RNMT: variants seen among roughly 807,000 people sequenced by gnomAD.
The protein encoded by RNMT is mRNA cap guanine-N(7) methyltransferase.
A neutral mutation model predicts 56.0 loss-of-function variants in RNMT; 27 were observed. The observed-to-expected ratio is 0.48, with a 90% CI of 0.36 to 0.67. The LOEUF (loss-of-function observed/expected upper bound fraction) is 0.67, where lower values mean the gene tolerates loss of function less well. Ranked by LOEUF, RNMT falls within the 30% of genes least tolerant of loss-of-function variation. The pLI is 0.00. For missense variants in RNMT, 519 were observed against 552.1 expected, an observed-to-expected ratio of 0.94 and a Z score of 0.60; for synonymous variants, 184 against 176.2, an observed-to-expected ratio of 1.04 and a Z score of -0.35.
Position 13,742,507 on chromosome 18 carries a change from G to A in RNMT, c.994G>A (p.Glu332Lys). The A allele has an allele frequency of 6.2e-7, 1 of 1,612,162 alleles. No homozygotes were observed. Among genetic ancestry groups the A allele is most frequent in the Non-Finnish European group, 8.5e-7 (1 of 1,179,502 alleles). Residue 332 changes from glutamate (E) to lysine (K), a missense_variant, in exon 8 of 12, where the codon GAA becomes AAA. Coordinates refer to ENST00000383314, the MANE Select transcript of RNMT (RefSeq NM_003799.3). Reference sequence around the variant, plus strand: ...TGATAGAAGACGCCTTGAAGCTTCAGAAACAGAATCATTTGGAAATGAAAT... The same window carrying A: ...TGATAGAAGACGCCTTGAAGCTTCAAAAACAGAATCATTTGGAAATGAAAT... ...FELIRRLEAS[E>K]TESFGNEIYT...
chr18:13,728,319 T>C (rs2044001766), intron 1 of RNMT, among the ~76,000 whole-genome samples: 1 of 48,538 alleles, frequency 2.1e-5, no homozygotes, highest in Non-Finnish European at 3.5e-5. Flanking sequence ...TTTTTTTTTT[T>C]TTTTTTTTTT....
rs920718923 is a variant in RNMT, at chr18:13,731,905, G to A, written c.388G>A (p.Ala130Thr). 6.2e-7 allele frequency: 1 copy of A among 1,600,256 alleles called. No individual in the cohort carries two copies. The highest frequency in any genetic ancestry group is 8.5e-7 in the Non-Finnish European group (1 of 1,176,794). Residue 130 changes from alanine (A) to threonine (T), a missense_variant, in exon 3 of 12, where the codon GCA (alanine) becomes ACA (threonine). Transcript: ENST00000383314. The part of the protein sequence containing the change: ...GDGTQNKRKI[A>T]LEDVPEKQKN... Reference sequence around the variant, plus strand: ...TGGCACTCAAAATAAGAGAAAAATAGCACTTGAGGATGTTCCTGAAAAGCA... The same window carrying A: ...TGGCACTCAAAATAAGAGAAAAATAACACTTGAGGATGTTCCTGAAAAGCA...
chr18:13,739,846 T>C (rs1444999917), intron 5 of RNMT, among the ~76,000 whole-genome samples: 1 of 152,198 alleles, frequency 6.6e-6, no homozygotes, highest in Non-Finnish European at 1.5e-5. Context: ...CCTTGGTATT[T>C]CCAAAACTGG....
In RNMT at chr18:13,762,085, G is replaced by A; in HGVS notation, c.*2106G>A. The A allele has an allele frequency of 2.6e-6, 4 of 1,536,074 alleles. No individual in the cohort carries two copies. The highest frequency in any genetic ancestry group is 3.5e-6 in the Non-Finnish European group (4 of 1,146,880). ...GGGAGGCATGGCTTTCCACCGTCGG[G>A]CCAGGAAGAGCACCTGTTGCTGCAA... On this transcript the variant is annotated 3_prime_UTR_variant, in exon 12 of 12. Coordinates refer to ENST00000383314, the MANE Select transcript of RNMT (RefSeq NM_003799.3).
Position 13,741,698 on chromosome 18 carries a change from A to G in RNMT, c.974+7A>G. On this transcript the variant is annotated splice_region_variant and intron_variant, in intron 7 of 11. Coordinates refer to ENST00000383314, the MANE Select transcript of RNMT (RefSeq NM_003799.3). ...CCAATAGCTTTGAATTGATGTAAGT[A>G]CTTCTAAATATATTGTGGTTTATAA... 1 of 1,562,392 alleles carries G rather than the reference A, an allele frequency of 6.4e-7. No homozygotes were observed. The highest frequency in any genetic ancestry group is 8.7e-7 in the Non-Finnish European group (1 of 1,145,778).
Position 13,752,362 on chromosome 18 carries a change from G to A in RNMT, c.1294G>A (p.Glu432Lys), listed in dbSNP as rs748848283. Residue 432 changes from glutamate to lysine, a missense_variant, in exon 10 of 12, where the codon GAG (glutamate) becomes AAG (lysine). Physicochemically the swap from Glu to Lys is moderately conservative, Grantham distance 56 (BLOSUM62 1). Coordinates refer to ENST00000383314, the MANE Select transcript of RNMT (RefSeq NM_003799.3). Reference protein sequence around the residue: ...PANESSKLVSEKVDDYEHAAK... With the variant: ...PANESSKLVSKKVDDYEHAAK... ...AAATGAGAGTTCTAAACTTGTCTCT[G>A]AGAAGGTGGATGACTATGAACATGC... is the stretch of plus-strand genomic sequence containing the variant. The A allele has an allele frequency of 1.2e-6, 2 of 1,613,228 alleles. No individual in the cohort carries two copies. Among genetic ancestry groups the A allele is most frequent in the African/African-American group, 1.3e-5 (1 of 74,902 alleles).
intron 8 of RNMT, among the ~76,000 whole-genome samples, chr18:13,744,159 C>CTTTTTTTTTCTTTTTTTTTTTT (rs2044308585): frequency 1.1e-5 from 1 of 91,398 alleles, no homozygotes; most frequent in African/African-American, 5.3e-5. Flanking sequence ...TAGCGGTCTT[C>CTTTTTTTTTCTTTTTTTTTTTT]TTTTTTTTTT....
intron 10 of RNMT, among the ~76,000 whole-genome samples, chr18:13,753,547 G>A (rs1040352097): frequency 5.9e-5 from 9 of 152,054 alleles, no homozygotes; most frequent in African/African-American, 1.9e-4. Context: ...TGAGGCGGGC[G>A]GATCACAACG....
At chr18:13,735,328 A>G (rs1025951701) in intron 4 of RNMT, among the ~76,000 whole-genome samples, 4 of 152,276 alleles carry the variant, frequency 2.6e-5, no homozygotes, top group African/African-American at 9.6e-5. Flanking sequence ...TAATTTACTA[A>G]TTTTCAAAGA....
intron 5 of RNMT, among the ~76,000 whole-genome samples, chr18:13,739,195 C>G (rs566066488): frequency 9.2e-5 from 14 of 152,160 alleles, no homozygotes; most frequent in Non-Finnish European, 1.9e-4. Flanking sequence ...ACAGTCATAT[C>G]AGTACTGTTC....
chr18:13,743,693 A>G (rs1003756351), intron 8 of RNMT, among the ~76,000 whole-genome samples: 1 of 152,084 alleles, frequency 6.6e-6, no homozygotes, highest in East Asian at 1.9e-4. Context: ...TCTACTTTTT[A>G]GAAACAAAAA....
At position 13,761,856 on chromosome 18, in the gene RNMT, CG is replaced by C; in HGVS notation, c.*1879del. The stretch of plus-strand genomic sequence containing the variant: ...CCACCACCCTACACCCCCCTCCCCC[CG>C]GCCCCAAGCCCCTGTGTCTCCTTGT... On this transcript the variant is annotated 3_prime_UTR_variant, in exon 12 of 12. Transcript: ENST00000383314. The C allele has an allele frequency of 9.0e-7, 1 of 1,109,884 alleles. No individual in the cohort carries two copies. The highest frequency in any genetic ancestry group is 1.1e-6 in the Non-Finnish European group (1 of 904,262). The allele number at this position is 1,109,884 out of a possible 1,614,324, so 68.8% of individuals were successfully genotyped here.
At chr18:13,737,361 G>A (rs572949028) in intron 5 of RNMT, among the ~76,000 whole-genome samples, 217 of 152,156 alleles carry the variant, frequency 1.4e-3, no homozygotes, top group African/African-American at 4.8e-3. Context: ...GGCCAACATT[G>A]TGAAACCCTG....
At chr18:13,747,071 T>C (rs1357250258) in intron 9 of RNMT, among the ~76,000 whole-genome samples, 1 of 152,198 alleles carries the variant, frequency 6.6e-6, no homozygotes, top group Non-Finnish European at 1.5e-5. Flanking sequence ...TTATTATTGA[T>C]CAGTAGAATC....
At chr18:13,732,802 G>A (rs1213738662) in intron 3 of RNMT, among the ~76,000 whole-genome samples, 5 of 130,050 alleles carry the variant, frequency 3.8e-5, no homozygotes, top group African/African-American at 1.5e-4. Flanking sequence ...CTAGAGTGCA[G>A]TGGTGTAAAC....
At chr18:13,753,821 A>ACT (rs1037857594) in intron 10 of RNMT, among the ~76,000 whole-genome samples, 43 of 134,586 alleles carry the variant, frequency 3.2e-4, no homozygotes, top group Non-Finnish European at 2.4e-4. Flanking sequence ...CCAGTTACAC[A>ACT]CACACACACA....
intron 3 of RNMT, 35 bp downstream of exon 3, chr18:13,731,969 A>G: frequency 4.0e-6 from 6 of 1,507,944 alleles, no homozygotes; most frequent in Non-Finnish European, 5.3e-6. Context: ...TTCATAATAG[A>G]ATATGTAAGT....
chr18:13,748,063 G>C (rs2044381661), intron 9 of RNMT, among the ~76,000 whole-genome samples: 1 of 152,228 alleles, frequency 6.6e-6, no homozygotes, highest in African/African-American at 2.4e-5. Context: ...TGTTATTTCA[G>C]TGAATAATGC....
At position 13,763,264 on chromosome 18, in the gene RNMT, C is replaced by T; in HGVS notation, c.*3285C>T. 2.5e-6 allele frequency: 1 copy of T among 407,996 alleles called. No individual in the cohort carries two copies. The highest frequency in any genetic ancestry group is 4.9e-6 in the Non-Finnish European group (1 of 202,214). 25.3% of individuals were successfully genotyped at this position (407,996 alleles called of 1,614,324 possible). A position where few individuals can be genotyped will look rare whatever the true frequency, so the allele number is the denominator to read the frequency against. ...TTGAAGGCAACCAGTGCAAAGGCTA[C>T]TACACTTGTGTAATGATATTTAGCA... On this transcript the variant is annotated 3_prime_UTR_variant, in exon 12 of 12. Coordinates refer to ENST00000383314, the MANE Select transcript of RNMT (RefSeq NM_003799.3).
Sources: allele counts gnomAD v4.1 joint callset (sites outside exome capture counted in the v4.1 genomes callset), GRCh38; gene constraint gnomAD v4.1.1; transcripts MANE v1.5; gene names NCBI Gene and HGNC (gene_info 2026-07-23, HGNC 2026-07-21).